CNTRL: variants seen among roughly 807,000 people sequenced by gnomAD.
CNTRL encodes centriolin, also known as 110 kDa centrosomal protein.
In CNTRL, 233 loss-of-function variants were observed where a neutral mutation model predicts 303.7. The ratio of observed to expected loss-of-function variants is 0.77; its 90% confidence interval spans 0.69 to 0.86. The LOEUF (loss-of-function observed/expected upper bound fraction) is 0.86, where lower values mean the gene tolerates loss of function less well. Among genes scored for constraint, CNTRL ranks in the 40% least tolerant of loss-of-function variants. The probability of loss-of-function intolerance (pLI) is 0.00; values close to 1 mark genes in which losing one functional copy is unlikely to be tolerated. For missense variants in CNTRL, 2,524 were observed against 2,650.6 expected (o/e 0.95, Z 1.05); for synonymous variants, 900 against 922.2 (o/e 0.98, Z 0.44).
At chr9:121,086,244 AACAG>A (rs1175192491) in intron 2 of CNTRL, among the ~76,000 whole-genome samples, 14 of 152,346 alleles carry the variant, frequency 9.2e-5, no homozygotes, top group African/African-American at 3.1e-4. Context: ...GTGTAAACAA[AACAG>A]ACAGGCTCTC....
At chr9:121,083,968 G>A (rs1277898120) in intron 2 of CNTRL, among the ~76,000 whole-genome samples, 1 of 152,178 alleles carries the variant, frequency 6.6e-6, no homozygotes, top group African/African-American at 2.4e-5. Flanking sequence ...ATATGAAGAT[G>A]TTTGTCATTC....
At chr9:121,105,244 AGTT>A (rs1256478570) in intron 7 of CNTRL, among the ~76,000 whole-genome samples, 2 of 152,196 alleles carry the variant, frequency 1.3e-5, no homozygotes, top group African/African-American at 4.8e-5. Context: ...TATGGCCTGT[AGTT>A]AACATGCTGG....
chr9:121,112,071 A>G (rs2049771363), intron 8 of CNTRL, among the ~76,000 whole-genome samples: 1 of 152,154 alleles, frequency 6.6e-6, no homozygotes, highest in Admixed American at 6.6e-5. Context: ...ACTATTGTTA[A>G]AGTCGGAAAG....
intron 7 of CNTRL, among the ~76,000 whole-genome samples, chr9:121,100,060 G>A (rs1489178992): frequency 2.0e-5 from 3 of 152,112 alleles, no homozygotes; most frequent in East Asian, 3.8e-4. Flanking sequence ...TACAGAGAAT[G>A]CCACGAAGAT....
Position 121,141,558 on chromosome 9 carries a change from G to T in CNTRL, c.2661G>T (p.Arg887Ser). The change falls in exon 18 of 44, where the codon AGG (arginine) becomes AGT (serine). Residue 887 changes from arginine (R) to serine (S), a missense_variant. Coordinates refer to ENST00000373855, the MANE Select transcript of CNTRL (RefSeq NM_007018.6). ...TGGCAACTGGACAAGAAGAGTTCAG[G>T]CAGGCCTGTGAGAGAGCCCTGGAAG... ...EKLATGQEEFRQACERALEAR... is the reference protein window; with the variant it reads ...EKLATGQEEFSQACERALEAR... The T allele has an allele frequency of 6.2e-7, 1 of 1,614,090 alleles. No individual in the cohort carries two copies. Among genetic ancestry groups the T allele is most frequent in the Admixed American group, 1.7e-5 (1 of 60,022 alleles).
intron 4 of CNTRL, among the ~76,000 whole-genome samples, chr9:121,094,067 G>A (rs1427219786): frequency 4.6e-5 from 7 of 151,900 alleles, no homozygotes; most frequent in African/African-American, 1.5e-4. Context: ...CCAAGATTGC[G>A]CCACTGCACT....
At position 121,146,094 on chromosome 9, in the gene CNTRL, ACTTTT is replaced by A. The variant is rs763885413; in HGVS notation, c.3311-9_3311-5del. 4 of 1,583,414 alleles carry A rather than the reference ACTTTT, an allele frequency of 2.5e-6. No individual in the cohort carries two copies. The highest frequency in any genetic ancestry group is 3.4e-6 in the Non-Finnish European group (4 of 1,167,816). On this transcript the variant is annotated splice_polypyrimidine_tract_variant and intron_variant, in intron 22 of 43. Coordinates refer to ENST00000373855, the MANE Select transcript of CNTRL (RefSeq NM_007018.6). ...GATTTCATATCAATTTCATAGAATGACTTTTCTTTACAGACAACAAAGGAGGCTTT... is the reference window on the plus strand; with the variant it reads ...GATTTCATATCAATTTCATAGAATGACTTTACAGACAACAAAGGAGGCTTT...
At position 121,164,923 on chromosome 9, in the gene CNTRL, T is replaced by C; in HGVS notation, c.5424-20T>C. 6.3e-7 allele frequency: 1 copy of C among 1,599,344 alleles called. No individual in the cohort carries two copies. The highest frequency in any genetic ancestry group is 8.5e-7 in the Non-Finnish European group (1 of 1,173,954). ...GTGTGTGCTTGTATATTTGACAGTCTGACTTACTCTCTGTGGTAGGGTTTT... is the reference window on the plus strand; with the variant it reads ...GTGTGTGCTTGTATATTTGACAGTCCGACTTACTCTCTGTGGTAGGGTTTT... On this transcript the variant is annotated intron_variant, in intron 34 of 43. Transcript: ENST00000373855.
intron 25 of CNTRL, chr9:121,152,270 C>G (rs2052315730): frequency 2.0e-6 from 1 of 508,338 alleles, no homozygotes; most frequent in East Asian, 3.3e-5. Context: ...AAATGTTTCT[C>G]AGTCATAGTT....
intron 6 of CNTRL, among the ~76,000 whole-genome samples, chr9:121,097,812 A>C (rs1347893182): frequency 1.3e-5 from 2 of 152,238 alleles, no homozygotes; most frequent in Non-Finnish European, 2.9e-5. Context: ...TTGATATTTG[A>C]CATTGGCATT....
intron 24 of CNTRL, 147 bp downstream of exon 24, chr9:121,149,008 G>T: frequency 1.5e-6 from 1 of 685,648 alleles, no homozygotes; most frequent in Non-Finnish European, 2.4e-6. Flanking sequence ...GCGACCTCTT[G>T]TCGTTGTTTT....
chr9:121,094,999 TTATCA>T lies in CNTRL; in HGVS notation c.464_468del (p.Ser155Ter). On this transcript the variant is annotated frameshift_variant, in exon 5 of 44. Coordinates refer to ENST00000373855, the MANE Select transcript of CNTRL (RefSeq NM_007018.6). LOFTEE classifies it high-confidence loss of function. Reference sequence around the variant, plus strand: ...GCTGTTAAAATTACGTGAACTCAACTTATCATATAACAAAATCAGGTGAGTTATAT... The same window carrying T: ...GCTGTTAAAATTACGTGAACTCAACTTATAACAAAATCAGGTGAGTTATAT... 4 of 1,604,736 alleles carry T rather than the reference TTATCA, an allele frequency of 2.5e-6. No individual in the cohort carries two copies. The highest frequency in any genetic ancestry group is 3.4e-6 in the Non-Finnish European group (4 of 1,176,370).
Position 121,144,963 on chromosome 9 carries a change from A to G in CNTRL, c.3168+4A>G. On this transcript the variant is annotated splice_donor_region_variant and intron_variant, in intron 21 of 43. Transcript: ENST00000373855. ...CCTCAGGCAGAAGGGGGAGCAGGTC[A>G]GTGTTGGTACCCAGAGACCTCCTCT... is the stretch of plus-strand genomic sequence containing the variant. 1.2e-6 allele frequency: 2 copies of G among 1,606,874 alleles called. No homozygotes were observed. The highest frequency in any genetic ancestry group is 1.7e-6 in the Non-Finnish European group (2 of 1,173,746).
chr9:121,149,191 C>T (rs941499990), intron 24 of CNTRL, among the ~76,000 whole-genome samples: 8 of 152,280 alleles, frequency 5.3e-5, no homozygotes, highest in African/African-American at 1.7e-4. Context: ...TGTCTTGTGT[C>T]CTTGCATCAC....
rs539401468 is a variant in CNTRL, at chr9:121,175,073, G to A, written c.6803G>A (p.Arg2268Gln). Reference protein sequence around the residue: ...KQAEVLIKGKRQTEGTLHSLR... With the variant: ...KQAEVLIKGKQQTEGTLHSLR... ...GCAGAAGTATTAATTAAAGGAAAGC[G>A]GCAGACAGAGGGCACTTTACACAGT... Residue 2268 changes from arginine to glutamine, a missense_variant, in exon 43 of 44, where the codon CGG becomes CAG. Transcript: ENST00000373855. 17 of 1,613,694 alleles carry A rather than the reference G, an allele frequency of 1.1e-5. No homozygotes were observed. Among genetic ancestry groups the A allele is most frequent in the African/African-American group, 5.3e-5 (4 of 74,778 alleles).
intron 36 of CNTRL, among the ~76,000 whole-genome samples, chr9:121,167,174 G>C (rs1427421610): frequency 6.6e-6 from 1 of 152,130 alleles, no homozygotes; most frequent in Non-Finnish European, 1.5e-5. Context: ...AGCTGGGTAT[G>C]GTGGCATGTG....
At chr9:121,175,415 C>A in intron 43 of CNTRL, 191 bp downstream of exon 43, 1 of 597,212 alleles carries the variant, frequency 1.7e-6, no homozygotes. Flanking sequence ...TACAGGCACA[C>A]ACCACTTGGC....
chr9:121,145,413 A>T (rs780720427), intron 22 of CNTRL, 28 bp downstream of exon 22: 5 of 1,578,120 alleles, frequency 3.2e-6, no homozygotes, highest in Non-Finnish European at 4.3e-6. Flanking sequence ...GATTTTTGGC[A>T]GTGGTTTTGT....
intron 7 of CNTRL, among the ~76,000 whole-genome samples, chr9:121,105,689 G>A (rs566795781): frequency 1.3e-5 from 2 of 152,344 alleles, no homozygotes; most frequent in East Asian, 3.9e-4. Context: ...AAGTTTTCAA[G>A]AGAGGAAGTG....
Sources: allele counts gnomAD v4.1 joint callset (sites outside exome capture counted in the v4.1 genomes callset), GRCh38; gene constraint gnomAD v4.1.1; transcripts MANE v1.5; gene names NCBI Gene and HGNC (gene_info 2026-07-23, HGNC 2026-07-21).